Variants in PALLD observed in about 807,000 individuals in gnomAD.
PALLD encodes palladin, cytoskeletal associated protein, also known as palladin.
A neutral mutation model predicts 123.5 loss-of-function variants in PALLD; 61 were observed. The ratio of observed to expected loss-of-function variants is 0.49; its 90% CI spans 0.40 to 0.61. PALLD has a LOEUF of 0.61. PALLD is among the 20% of genes least tolerant of loss of function. The probability of loss-of-function intolerance (pLI) is 0.00; values close to 1 mark genes in which losing one functional copy is unlikely to be tolerated. For synonymous variants in PALLD, 465 were observed against 496.4 expected (o/e 0.94, Z 0.84); for missense variants, 1,273 against 1,377.0 (o/e 0.92, Z 1.20).
intron 10 of PALLD, among the ~76,000 whole-genome samples, chr4:168,781,911 C>T (rs1735980420): frequency 6.6e-6 from 1 of 152,078 alleles, no homozygotes; most frequent in Admixed American, 6.6e-5. Flanking sequence ...AGTGAGAAGG[C>T]CCTCTCTTCC....
intron 10 of PALLD, among the ~76,000 whole-genome samples, chr4:168,765,101 A>G (rs571093646): frequency 6.6e-6 from 1 of 152,214 alleles, no homozygotes; most frequent in African/African-American, 2.4e-5. Flanking sequence ...GTTAGTCTGA[A>G]TCTAATCTCT....
intron 2 of PALLD, among the ~76,000 whole-genome samples, chr4:168,636,089 C>T (rs762748462): frequency 2.0e-5 from 3 of 152,084 alleles, no homozygotes; most frequent in South Asian, 2.1e-4. Flanking sequence ...GGGCAGGTGG[C>T]GTTATTTCCA....
chr4:168,526,680 G>C (rs916941989), intron 2 of PALLD, among the ~76,000 whole-genome samples: 5 of 152,118 alleles, frequency 3.3e-5, no homozygotes, highest in Non-Finnish European at 5.9e-5. Context: ...GGATGATAGG[G>C]GGCAAGTGTT....
At chr4:168,750,237 G>T (rs777062087) in intron 10 of PALLD, among the ~76,000 whole-genome samples, 1 of 152,240 alleles carries the variant, frequency 6.6e-6, no homozygotes, top group East Asian at 1.9e-4. Flanking sequence ...GTGAACCAAT[G>T]CGCCTGGCCA....
intron 1 of PALLD, among the ~76,000 whole-genome samples, chr4:168,503,894 G>A (rs146214640): frequency 1.1e-4 from 16 of 152,212 alleles, no homozygotes; most frequent in African/African-American, 3.1e-4. Flanking sequence ...CTCATCAGCC[G>A]GGGAGCATCA....
At chr4:168,550,434 T>C (rs951165935) in intron 2 of PALLD, among the ~76,000 whole-genome samples, 1 of 151,928 alleles carries the variant, frequency 6.6e-6, no homozygotes, top group Non-Finnish European at 1.5e-5. Flanking sequence ...TGGGATAAAA[T>C]AGAATAAAAC....
At chr4:168,881,177 T>C (rs768538190) in intron 10 of PALLD, among the ~76,000 whole-genome samples, 1 of 152,226 alleles carries the variant, frequency 6.6e-6, no homozygotes, top group Non-Finnish European at 1.5e-5. Flanking sequence ...AGTGCTGGGA[T>C]TACAGGCCTG....
At chr4:168,716,964 C>T (rs1785422148) in intron 10 of PALLD, among the ~76,000 whole-genome samples, 1 of 152,220 alleles carries the variant, frequency 6.6e-6, no homozygotes, top group Non-Finnish European at 1.5e-5. Context: ...ATGGCTGGCT[C>T]TTACTTGTCT....
At chr4:168,916,092 T>C in intron 17 of PALLD, 65 bp downstream of exon 17, 2 of 1,468,596 alleles carry the variant, frequency 1.4e-6, no homozygotes, top group African/African-American at 1.4e-5. Flanking sequence ...CATTTCTCTA[T>C]AGTTCCTTTT....
intron 10 of PALLD, among the ~76,000 whole-genome samples, chr4:168,783,401 G>A (rs1736234264): frequency 6.6e-6 from 1 of 152,138 alleles, no homozygotes; most frequent in Non-Finnish European, 1.5e-5. Flanking sequence ...TCTTCAGGAG[G>A]AGGGGTGGAT....
Position 168,736,852 on chromosome 4 carries a change from CAAG to C in PALLD, c.1964+24930_1964+24932del, listed in dbSNP as rs368625497. On this transcript the variant is annotated intron_variant, in intron 10 of 21. Transcript: ENST00000505667. Reference sequence around the variant, plus strand: ...TGTGCTGACAACTGTGATGAAGAGACAAGGAGAGAAAAACAGACCCTCAGGAGA... The same window carrying C: ...TGTGCTGACAACTGTGATGAAGAGACGAGAGAAAAACAGACCCTCAGGAGA... Among the ~76,000 whole-genome samples the C allele has an allele frequency of 8.2e-4, 125 of 151,836 alleles. 1 individual carries two copies. In the East Asian group the frequency reaches 0.019, roughly 24 times the overall value.
At chr4:168,717,331 C>G (rs920565489) in intron 10 of PALLD, among the ~76,000 whole-genome samples, 1 of 151,906 alleles carries the variant, frequency 6.6e-6, no homozygotes, top group Admixed American at 6.6e-5. Context: ...ATCTGCCTAA[C>G]GTTCTTTTTT....
intron 2 of PALLD, among the ~76,000 whole-genome samples, chr4:168,515,698 C>T (rs981128739): frequency 1.3e-5 from 2 of 152,080 alleles, no homozygotes; most frequent in South Asian, 2.1e-4. Context: ...AGCTGGAACA[C>T]GGGGGAGAAA....
At chr4:168,804,044 C>T (rs984955719) in intron 10 of PALLD, among the ~76,000 whole-genome samples, 10 of 151,798 alleles carry the variant, frequency 6.6e-5, no homozygotes, top group Non-Finnish European at 8.8e-5. Flanking sequence ...GTAAACAGGC[C>T]TGGCTTTTTA....
intron 10 of PALLD, among the ~76,000 whole-genome samples, chr4:168,769,574 A>G (rs1019247821): frequency 6.6e-6 from 1 of 152,130 alleles, no homozygotes; most frequent in African/African-American, 2.4e-5. Context: ...CTGCTCTATC[A>G]TGGGTCCCAG....
chr4:168,626,262 C>T (rs1458233098), intron 2 of PALLD, among the ~76,000 whole-genome samples: 2 of 151,756 alleles, frequency 1.3e-5, no homozygotes, highest in East Asian at 3.9e-4. Flanking sequence ...ATTAGGCGGG[C>T]GTGGTGGTGG....
intron 2 of PALLD, among the ~76,000 whole-genome samples, chr4:168,581,347 G>T (rs1253136323): frequency 6.6e-6 from 1 of 151,606 alleles, no homozygotes; most frequent in Non-Finnish European, 1.5e-5. Context: ...CATAATGGCT[G>T]CACCAGTTTC....
At chr4:168,629,220 G>C (rs1009315672) in intron 2 of PALLD, among the ~76,000 whole-genome samples, 9 of 152,010 alleles carry the variant, frequency 5.9e-5, no homozygotes, top group Non-Finnish European at 1.2e-4. Context: ...CACCATGTTG[G>C]CCAGGCTGGT....
At chr4:168,513,524 G>A (rs1388952929) in intron 2 of PALLD, among the ~76,000 whole-genome samples, 2 of 152,118 alleles carry the variant, frequency 1.3e-5, no homozygotes, top group Admixed American at 1.3e-4. Context: ...CTACCCCTCT[G>A]TGACTCAGTT....
Sources: allele counts gnomAD v4.1 joint callset (sites outside exome capture counted in the v4.1 genomes callset), GRCh38; gene constraint gnomAD v4.1.1; transcripts MANE v1.5; gene names NCBI Gene and HGNC (gene_info 2026-07-23, HGNC 2026-07-21).